The following SKAP2 variants were observed in gnomAD, a reference collection of about 807,000 sequenced individuals.
SKAP2 encodes the protein src kinase-associated phosphoprotein 2.
A neutral mutation model predicts 54.9 loss-of-function variants in SKAP2; 28 were observed. The observed-to-expected ratio is 0.51, with a 90% CI of 0.38 to 0.70. The LOEUF (loss-of-function observed/expected upper bound fraction) is 0.70. Ranked by LOEUF, SKAP2 falls within the 30% of genes least tolerant of loss-of-function variation. The probability of loss-of-function intolerance (pLI) is 0.00; values close to 1 mark genes in which losing one functional copy is unlikely to be tolerated. For missense variants in SKAP2, 356 were observed against 424.1 expected (o/e 0.84, Z 1.41); for synonymous variants, 137 against 134.3 (o/e 1.02, Z -0.14).
chr7:26,677,187 TCAA>T (rs1030058534), intron 11 of SKAP2, among the ~76,000 whole-genome samples: 5 of 151,964 alleles, frequency 3.3e-5, no homozygotes, highest in East Asian at 1.9e-4. Context: ...AGTCAGGAGT[TCAA>T]GACCAGCCTG....
intron 9 of SKAP2, 137 bp from the exon 10 acceptor site, chr7:26,690,499 A>T (rs1786758377): frequency 3.5e-6 from 2 of 577,994 alleles, no homozygotes; most frequent in Non-Finnish European, 6.1e-6. Context: ...ATAACTCAAG[A>T]TTCACAGTCC....
chr7:26,837,191 T>G (rs1466995197), intron 4 of SKAP2, among the ~76,000 whole-genome samples: 1 of 151,564 alleles, frequency 6.6e-6, no homozygotes, highest in Non-Finnish European at 1.5e-5. Context: ...GTCAGGGGGT[T>G]GGGGGCTAGG....
At chr7:26,863,211 T>C (rs186727124) in intron 1 of SKAP2, among the ~76,000 whole-genome samples, 94 of 152,240 alleles carry the variant, frequency 6.2e-4, no homozygotes, top group Non-Finnish European at 9.3e-4. Flanking sequence ...AGCACCAAAA[T>C]TGAATGACAG....
chr7:26,709,011 C>G lies in SKAP2; in HGVS notation c.796+16417G>C, dbSNP rs370064014. Among the ~76,000 whole-genome samples the G allele has an allele frequency of 2.0e-5, 3 of 152,122 alleles. No homozygotes were observed. The East Asian group carries it at 5.8e-4, about 29-fold the overall frequency. On this transcript the variant is annotated intron_variant, in intron 9 of 12. Transcript: ENST00000345317. The stretch of plus-strand genomic sequence containing the variant: ...AATATTAGATGATCTCTGCAGAATA[C>G]TTTTAAATTAATGCTGAGCTCTTAG...
intron 4 of SKAP2, among the ~76,000 whole-genome samples, chr7:26,814,647 C>T (rs10262414): frequency 0.22 from 32,190 of 149,320 alleles, 3,509 homozygotes; most frequent in Non-Finnish European, 0.24. Context: ...CATAGATTAA[C>T]AGATTCTAAT....
intron 1 of SKAP2, among the ~76,000 whole-genome samples, chr7:26,855,494 A>G (rs1225892954): frequency 6.6e-6 from 1 of 152,058 alleles, no homozygotes; most frequent in East Asian, 1.9e-4. Context: ...AAAAAAGATA[A>G]CCAGCTGTGT....
downstream of SKAP2, among the ~76,000 whole-genome samples, chr7:26,666,552 T>C (rs1342215754): frequency 1.3e-5 from 2 of 152,122 alleles, no homozygotes; most frequent in Non-Finnish European, 2.9e-5. Context: ...GGTTGTGTAA[T>C]GATAGCAAAA....
At chr7:26,666,237 T>C (rs1208373347), downstream of SKAP2, among the ~76,000 whole-genome samples, 1 of 152,154 alleles carries the variant, frequency 6.6e-6, no homozygotes, top group Non-Finnish European at 1.5e-5. Flanking sequence ...ACTTTAAAAA[T>C]TCTCACAATG....
intron 1 of SKAP2, among the ~76,000 whole-genome samples, chr7:26,859,698 AT>A (rs1785241697): frequency 6.6e-6 from 1 of 152,228 alleles, no homozygotes; most frequent in Non-Finnish European, 1.5e-5. Flanking sequence ...CTCTTGATAA[AT>A]AGCACCTTAC....
chr7:26,818,251 C>T (rs1007125589), intron 4 of SKAP2, among the ~76,000 whole-genome samples: 5 of 151,796 alleles, frequency 3.3e-5, no homozygotes, highest in Admixed American at 6.6e-5. Context: ...CATAGACCAA[C>T]GGAACAGAAA....
Position 26,864,571 on chromosome 7 carries a change from G to C in SKAP2, c.-142C>G. 7.0e-7 allele frequency: 1 copy of C among 1,422,398 alleles called. No homozygotes were observed. The highest frequency in any genetic ancestry group is 9.2e-7 in the Non-Finnish European group (1 of 1,088,998). 88.1% of individuals were successfully genotyped at this position (1,422,398 alleles called of 1,614,324 possible). On this transcript the variant is annotated 5_prime_UTR_variant, in exon 1 of 13. Transcript: ENST00000345317. ...TACGAGTCGGGACACTGCCGGGCCG[G>C]GGCTCACAACAAGGAAGTCACTGAA...
chr7:26,787,208 A>T (rs557223488), intron 4 of SKAP2, among the ~76,000 whole-genome samples: 1 of 152,218 alleles, frequency 6.6e-6, no homozygotes, highest in Non-Finnish European at 1.5e-5. Flanking sequence ...TGCTATAAAA[A>T]ATATCTTGGA....
At chr7:26,752,091 C>T (rs1782698439) in intron 4 of SKAP2, among the ~76,000 whole-genome samples, 1 of 152,058 alleles carries the variant, frequency 6.6e-6, no homozygotes, top group African/African-American at 2.4e-5. Context: ...AATTAGAAGT[C>T]AGGGTGGAAC....
chr7:26,744,856 C>T (rs1782528778), intron 4 of SKAP2, among the ~76,000 whole-genome samples: 1 of 152,040 alleles, frequency 6.6e-6, no homozygotes, highest in Admixed American at 6.6e-5. Context: ...GACTCAGAGA[C>T]ATTTTCAAAA....
At position 26,711,342 on chromosome 7, in the gene SKAP2, G is replaced by A. The variant is rs192717265; in HGVS notation, c.796+14086C>T. Among the ~76,000 whole-genome samples the A allele has an allele frequency of 4.8e-3, 732 of 152,210 alleles. 2 individuals carry two copies. Among genetic ancestry groups the A allele is most frequent in the Non-Finnish European group, 7.5e-3 (509 of 68,016 alleles). ...CCTCTTATTAAATTATGGTATATTT[G>A]AGAACAGGGGCTATTTATTGATCAT... On this transcript the variant is annotated intron_variant, in intron 9 of 12. Transcript: ENST00000345317.
At chr7:26,750,851 T>C (rs1782665437) in intron 4 of SKAP2, among the ~76,000 whole-genome samples, 1 of 152,164 alleles carries the variant, frequency 6.6e-6, no homozygotes, top group South Asian at 2.1e-4. Context: ...TTAGATTGAA[T>C]TCTTTAGCTT....
intron 9 of SKAP2, among the ~76,000 whole-genome samples, chr7:26,692,208 G>C (rs1053450828): frequency 1.3e-5 from 2 of 152,122 alleles, no homozygotes; most frequent in African/African-American, 4.8e-5. Flanking sequence ...GGGGAAAAGA[G>C]CAACAAAGGA....
intron 4 of SKAP2, 49 bp downstream of exon 4, chr7:26,843,981 A>T: frequency 8.9e-7 from 1 of 1,117,334 alleles, no homozygotes; most frequent in Non-Finnish European, 1.4e-6. Flanking sequence ...CCATATATAT[A>T]GCATTGTTTT....
At chr7:26,755,338 A>G (rs1034560536) in intron 4 of SKAP2, among the ~76,000 whole-genome samples, 3 of 145,308 alleles carry the variant, frequency 2.1e-5, no homozygotes, top group Admixed American at 6.7e-5. Context: ...GTATACTGTT[A>G]TAATTCCATA....
Sources: gnomAD v4.1 joint callset for allele counts (sites outside exome capture counted in the v4.1 genomes callset) on GRCh38, gnomAD v4.1.1 for gene constraint, MANE v1.5 for transcripts, NCBI Gene and HGNC (gene_info 2026-07-23, HGNC 2026-07-21) for gene names.